SUMF1: variants seen among roughly 807,000 people sequenced by gnomAD.
The protein encoded by SUMF1 is formylglycine-generating enzyme.
SUMF1 carries 48 observed loss-of-function variants against 47.6 expected under a neutral mutation model. That is an observed-to-expected ratio of 1.01 (90% confidence interval 0.80 to 1.28). The LOEUF is 1.28. Ranked by LOEUF, SUMF1 falls within the 50% of genes most tolerant of loss-of-function variation. SUMF1 has a pLI of 0.00. For synonymous variants in SUMF1, 230 were observed against 192.1 expected (o/e 1.20, Z -1.63); for missense variants, 571 against 485.4 (o/e 1.18, Z -1.66).
chr3:4,327,491 G>A (rs530401024), intron 8 of SUMF1, among the ~76,000 whole-genome samples: 114 of 152,190 alleles, frequency 7.5e-4, no homozygotes, highest in African/African-American at 2.0e-3. Context: ...GACAAAAGTC[G>A]TAGGACAGTC....
downstream of SUMF1, among the ~76,000 whole-genome samples, chr3:4,356,411 CG>C (rs1699618767): frequency 0.045 from 6 of 132 alleles, 1 homozygote; most frequent in Non-Finnish European, 0.07. Context: ...AATGGTTTTC[CG>C]TGGGGACAGC....
Position 4,407,085 on chromosome 3 carries a change from G to GACACAC in SUMF1, c.954+3774_954+3779dup, listed in dbSNP as rs113556805. Among the ~76,000 whole-genome samples the GACACAC allele has an allele frequency of 7.0e-3, 1,046 of 148,648 alleles. 10 individuals carry two copies. The highest frequency in any genetic ancestry group is 0.022 in the African/African-American group (871 of 40,306). ...GCACCTCCACAGGACACACACATGGGACACACACACACACACACACACACA... is the reference window on the plus strand; with the variant it reads ...GCACCTCCACAGGACACACACATGGGACACACACACACACACACACACACACACACA... On this transcript the variant is annotated intron_variant, in intron 7 of 8. Transcript: ENST00000272902.
chr3:4,273,383 A>AATGT (rs1441549763), intron 8 of SUMF1, among the ~76,000 whole-genome samples: 10 of 152,118 alleles, frequency 6.6e-5, no homozygotes, highest in South Asian at 2.1e-4. Context: ...AACATGAATG[A>AATGT]ACTTCAAAAT....
chr3:4,346,495 A>G (rs1699376793), intron 8 of SUMF1, among the ~76,000 whole-genome samples: 1 of 152,202 alleles, frequency 6.6e-6, no homozygotes, highest in African/African-American at 2.4e-5. Flanking sequence ...ACAAAGAGAC[A>G]ATGTACCAGA....
intron 8 of SUMF1, among the ~76,000 whole-genome samples, chr3:4,235,533 T>A (rs1011028382): frequency 6.6e-6 from 1 of 152,102 alleles, no homozygotes; most frequent in African/African-American, 2.4e-5. Context: ...TTAACCATTA[T>A]ACAACTCTAA....
At position 4,057,385 on chromosome 3, in the gene SUMF1, G is replaced by A. The variant is rs192431392; in HGVS notation, c.1191+11184C>T. ...GATGGGCAGTTTGCTCATGATAAGG[G>A]ACTCAGGTTTGGCAAAAAACCGCAA... On this transcript the variant is annotated intron_variant and NMD_transcript_variant, in intron 9 of 12. Coordinates refer to the SUMF1 transcript ENST00000448413. Among the ~76,000 whole-genome samples the A allele has an allele frequency of 3.0e-3, 226 of 75,930 alleles. 2 individuals carry two copies. The highest frequency in any genetic ancestry group is 6.0e-3 in the Admixed American group (33 of 5,474). The allele number at this position is 75,930 out of a possible 152,430, so 49.8% of individuals were successfully genotyped here. A position where few individuals can be genotyped will look rare whatever the true frequency, so the allele number is the denominator to read the frequency against.
chr3:4,358,730 G>A (rs1472574719), downstream of SUMF1, among the ~76,000 whole-genome samples: 2 of 152,196 alleles, frequency 1.3e-5, no homozygotes, highest in Non-Finnish European at 2.9e-5. Flanking sequence ...TGACAGTGCA[G>A]ATAAAGATGC....
intron 7 of SUMF1, among the ~76,000 whole-genome samples, 177 bp downstream of exon 7, chr3:4,410,688 A>T (rs1326563454): frequency 6.6e-6 from 1 of 152,250 alleles, no homozygotes; most frequent in Non-Finnish European, 1.5e-5. Flanking sequence ...AGACATTTTT[A>T]CAAAATGCTC....
chr3:4,314,828 A>G (rs1192429909), intron 8 of SUMF1, among the ~76,000 whole-genome samples: 2 of 152,214 alleles, frequency 1.3e-5, no homozygotes, highest in Non-Finnish European at 2.9e-5. Context: ...TAATTACTAG[A>G]GCCCCTATGA....
chr3:4,184,028 G>A (rs1048856482), intron 8 of SUMF1, among the ~76,000 whole-genome samples: 2 of 151,828 alleles, frequency 1.3e-5, no homozygotes, highest in East Asian at 1.9e-4. Context: ...CCACCTACTC[G>A]GGAGGCTGAA....
intron 3 of SUMF1, among the ~76,000 whole-genome samples, chr3:4,430,205 T>A (rs187202214): frequency 2.0e-5 from 3 of 152,268 alleles, no homozygotes; most frequent in African/African-American, 7.2e-5. Flanking sequence ...GAATAAAAGG[T>A]TCCCACCATC....
chr3:4,427,824 T>C (rs1702114086), intron 3 of SUMF1, among the ~76,000 whole-genome samples: 1 of 152,162 alleles, frequency 6.6e-6, no homozygotes, highest in Non-Finnish European at 1.5e-5. Flanking sequence ...CTAGGCACTA[T>C]TGAGAATGTG....
At chr3:4,334,768 C>T (rs1699112760) in intron 8 of SUMF1, among the ~76,000 whole-genome samples, 2 of 152,190 alleles carry the variant, frequency 1.3e-5, no homozygotes, top group Admixed American at 6.5e-5. Flanking sequence ...GTGGAGTAGC[C>T]TTTGTTGTTC....
chr3:4,163,692 A>G (rs952036364), intron 8 of SUMF1, among the ~76,000 whole-genome samples: 32 of 151,816 alleles, frequency 2.1e-4, no homozygotes, highest in African/African-American at 7.0e-4. Context: ...AGTGGGGCAG[A>G]GTTAAAACAA....
chr3:4,121,789 G>A lies in SUMF1; in HGVS notation c.1015-53044C>T, dbSNP rs1483591726. On this transcript the variant is annotated intron_variant and NMD_transcript_variant, in intron 8 of 12. Coordinates refer to the SUMF1 transcript ENST00000448413. ...ATATAGGTAAACTACTGTCATGAGG[G>A]TTATGTACAGATTATTTCATCACCC... Among the ~76,000 whole-genome samples the A allele has an allele frequency of 2.0e-5, 3 of 152,098 alleles. No individual in the cohort carries two copies. In the East Asian group the frequency reaches 5.8e-4, roughly 30 times the overall value.
chr3:4,344,458 A>G (rs943214286), intron 8 of SUMF1, among the ~76,000 whole-genome samples: 1 of 152,178 alleles, frequency 6.6e-6, no homozygotes, highest in Non-Finnish European at 1.5e-5. Flanking sequence ...CTGACTTTTG[A>G]AAGAAAAACA....
chr3:4,122,655 T>C (rs1693571660), intron 8 of SUMF1, among the ~76,000 whole-genome samples: 2 of 152,214 alleles, frequency 1.3e-5, no homozygotes, highest in African/African-American at 2.4e-5. Flanking sequence ...AAAGTCCTCA[T>C]GGCAGACATG....
chr3:4,126,371 G>A (rs559572042), intron 8 of SUMF1, among the ~76,000 whole-genome samples: 1 of 152,034 alleles, frequency 6.6e-6, no homozygotes, highest in South Asian at 2.1e-4. Flanking sequence ...TCTTCTGTTA[G>A]TGATACATCA....
chr3:4,218,582 G>C (rs1695991132), intron 8 of SUMF1, among the ~76,000 whole-genome samples: 1 of 152,080 alleles, frequency 6.6e-6, no homozygotes, highest in Non-Finnish European at 1.5e-5. Context: ...TAAACTGTGG[G>C]CATTCAGCGC....
Sources: gnomAD v4.1 joint callset for allele counts (sites outside exome capture counted in the v4.1 genomes callset) on GRCh38, gnomAD v4.1.1 for gene constraint, MANE v1.5 for transcripts, NCBI Gene and HGNC (gene_info 2026-07-23, HGNC 2026-07-21) for gene names.